Variants in PLEKHA6 observed in about 807,000 individuals in gnomAD.
The protein encoded by PLEKHA6 is pleckstrin homology domain containing A6.
Under a neutral mutation model 116.7 loss-of-function variants are expected in PLEKHA6, and 60 were observed. That is an observed-to-expected ratio of 0.51 (90% CI 0.42 to 0.64). The LOEUF (loss-of-function observed/expected upper bound fraction) is 0.64, where lower values mean the gene tolerates loss of function less well. Among genes scored for constraint, PLEKHA6 ranks in the 30% least tolerant of loss-of-function variants. The pLI, the probability that PLEKHA6 is intolerant of heterozygous loss-of-function variation, is 0.00. For missense variants in PLEKHA6, 1,338 were observed against 1,422.7 expected, an observed-to-expected ratio of 0.94 and a Z score of 0.96; for synonymous variants, 489 against 556.1, an observed-to-expected ratio of 0.88 and a Z score of 1.70.
chr1:204,283,841 G>A (rs926922937), intron 1 of PLEKHA6, among the ~76,000 whole-genome samples: 2 of 152,236 alleles, frequency 1.3e-5, no homozygotes, highest in Non-Finnish European at 2.9e-5. Context: ...CTGCCTGGAT[G>A]TAGGGGCATG....
chr1:204,330,766 G>A (rs1004048978), intron 1 of PLEKHA6, among the ~76,000 whole-genome samples: 10 of 152,138 alleles, frequency 6.6e-5, no homozygotes, highest in Non-Finnish European at 1.0e-4. Flanking sequence ...CCATGAGGTT[G>A]TGGAGGAGCT....
chr1:204,253,833 CAAAA>C (rs5780222), intron 9 of PLEKHA6, among the ~76,000 whole-genome samples: 59,320 of 131,904 alleles, frequency 0.45, 12,473 homozygotes, highest in East Asian at 0.53. Context: ...GATCTTGTCT[CAAAA>C]AAAAAAAAAA....
intron 1 of PLEKHA6, among the ~76,000 whole-genome samples, chr1:204,320,873 C>G (rs987733493): frequency 1.3e-5 from 2 of 152,200 alleles, no homozygotes; most frequent in African/African-American, 4.8e-5. Context: ...TTCTGCAAAG[C>G]CTGCCTGATC....
At position 204,228,948 on chromosome 1, in the gene PLEKHA6, T is replaced by A; in HGVS notation, c.2740A>T (p.Ile914Phe). 1 of 1,614,122 alleles carries A rather than the reference T, an allele frequency of 6.2e-7. No homozygotes were observed. The highest frequency in any genetic ancestry group is 8.5e-7 in the Non-Finnish European group (1 of 1,180,004). ...CTGGCTCCACTCACCTCCTTATTGA[T>A]GTCCACGTCATAATGCTGGGGCTCT... is the stretch of plus-strand genomic sequence containing the variant. Reference protein sequence around the residue: ...ELEPQHYDVDINKELSTPDKV... With the variant: ...ELEPQHYDVDFNKELSTPDKV... The change falls in exon 19 of 23, where the codon ATC (isoleucine) becomes TTC (phenylalanine). Residue 914 changes from isoleucine (I) to phenylalanine (F), a missense_variant. By Grantham distance (21) the Ile-to-Phe change is conservative. Transcript: ENST00000272203. This position sits in a 1 kb window ranked among gnomAD's most constrained non-coding sequence, Gnocchi z 4.0.
At position 204,241,762 on chromosome 1, in the gene PLEKHA6, A is replaced by G; in HGVS notation, c.2225T>C (p.Leu742Pro). The G allele has an allele frequency of 6.2e-7, 1 of 1,614,078 alleles. No homozygotes were observed. The highest frequency in any genetic ancestry group is 8.5e-7 in the Non-Finnish European group (1 of 1,179,958). ...AAGGCTGATGTCTCTGGGGGTGTCCAGGGGCAATGTCTGGTGGGGGTCTTT... is the reference window on the plus strand; with the variant it reads ...AAGGCTGATGTCTCTGGGGGTGTCCGGGGGCAATGTCTGGTGGGGGTCTTT... ...SKKDPHQTLP[L>P]DTPRDISLVP... The change falls in exon 16 of 23, where the codon CTG becomes CCG. Residue 742 changes from leucine to proline, a missense_variant. Transcript: ENST00000272203.
intron 17 of PLEKHA6, among the ~76,000 whole-genome samples, chr1:204,239,255 G>A (rs1291467317): frequency 2.0e-5 from 3 of 152,178 alleles, no homozygotes; most frequent in Non-Finnish European, 4.4e-5. Flanking sequence ...CATGGACTCA[G>A]CAACATGGAC....
intron 1 of PLEKHA6, among the ~76,000 whole-genome samples, chr1:204,332,077 G>T (rs557582590): frequency 6.6e-6 from 1 of 152,126 alleles, no homozygotes; most frequent in Non-Finnish European, 1.5e-5. Flanking sequence ...CCTGAGGGGC[G>T]GAGTGCTGGG....
intron 17 of PLEKHA6, 133 bp downstream of exon 17, chr1:204,241,242 C>T (rs1400382709): frequency 1.3e-5 from 8 of 621,458 alleles, no homozygotes; most frequent in Non-Finnish European, 2.0e-5. Context: ...GCTCTTGCCC[C>T]TCCTCTCACG....
chr1:204,259,433 T>C lies in PLEKHA6; in HGVS notation c.832A>G (p.Ser278Gly), dbSNP rs556814544. 2 of 1,614,240 alleles carry C rather than the reference T, an allele frequency of 1.2e-6. No individual in the cohort carries two copies. Among genetic ancestry groups the C allele is most frequent in the South Asian group, 2.2e-5 (2 of 91,084 alleles). ...QPNGWQYHSPSRPGSTAFPSQ... is the reference protein window; with the variant it reads ...QPNGWQYHSPGRPGSTAFPSQ... ...GGGAAAGCTGTGCTCCCTGGCCGGC[T>C]TGGGGAGTGGTACTGCCAGCCATTG... Residue 278 changes from serine (S) to glycine (G), a missense_variant, in exon 8 of 23, where the codon AGC becomes GGC. Ser to Gly is a moderately conservative substitution (Grantham distance 56). Coordinates refer to ENST00000272203, the MANE Select transcript of PLEKHA6 (RefSeq NM_014935.5). The surrounding 1 kb of genome is among the most constrained non-coding windows in gnomAD (Gnocchi z 4.6).
chr1:204,369,371 A>T (rs1673729927), intron 2 of PLEKHA6: 1 of 151,490 alleles, frequency 6.6e-6, no homozygotes. Flanking sequence ...CAAAGCCCAC[A>T]CTCTTTCCTC....
At chr1:204,282,268 T>A (rs1253894829) in intron 1 of PLEKHA6, among the ~76,000 whole-genome samples, 1 of 152,172 alleles carries the variant, frequency 6.6e-6, no homozygotes, top group South Asian at 2.1e-4. Flanking sequence ...AAAACATGGA[T>A]ACTATACAGG....
At chr1:204,306,510 G>T (rs1478788715) in intron 1 of PLEKHA6, among the ~76,000 whole-genome samples, 1 of 152,180 alleles carries the variant, frequency 6.6e-6, no homozygotes, top group Non-Finnish European at 1.5e-5. Context: ...CAATTCTGAG[G>T]CACTGAGAAG....
At chr1:204,281,520 G>A (rs556011693) in intron 1 of PLEKHA6, among the ~76,000 whole-genome samples, 14 of 143,962 alleles carry the variant, frequency 9.7e-5, no homozygotes, top group African/African-American at 1.6e-4. Context: ...CAGAGATTCC[G>A]TCTCAAAAAA....
chr1:204,280,937 T>A, intron 1 of PLEKHA6: 1 of 855,164 alleles, frequency 1.2e-6, no homozygotes, highest in Non-Finnish European at 1.4e-6. Flanking sequence ...TCTGTTTTCC[T>A]ACCTATTGCT....
chr1:204,250,740 T>C, intron 9 of PLEKHA6, 126 bp from the exon 10 acceptor site: 1 of 739,682 alleles, frequency 1.4e-6, no homozygotes, highest in Non-Finnish European at 2.4e-6. Flanking sequence ...TGGTAGCTTC[T>C]GTTCCAGGGA....
At chr1:204,285,550 A>G (rs1038236726) in intron 1 of PLEKHA6, among the ~76,000 whole-genome samples, 26 of 151,474 alleles carry the variant, frequency 1.7e-4, no homozygotes, top group African/African-American at 4.9e-4. Flanking sequence ...ATTTTGGCTC[A>G]CCGCAGGCTC....
chr1:204,286,666 T>C (rs1221541986), intron 1 of PLEKHA6, among the ~76,000 whole-genome samples: 1 of 152,166 alleles, frequency 6.6e-6, no homozygotes, highest in Non-Finnish European at 1.5e-5. Flanking sequence ...AAACCAAGCA[T>C]GTGGGGCAAC....
At chr1:204,268,025 T>C (rs2102853768) in intron 4 of PLEKHA6, among the ~76,000 whole-genome samples, 183 bp downstream of exon 4, 1 of 152,292 alleles carries the variant, frequency 6.6e-6, no homozygotes. Flanking sequence ...ACACAAATTT[T>C]TCTGTGTGAT....
intron 1 of PLEKHA6, among the ~76,000 whole-genome samples, chr1:204,300,401 A>G (rs185906980): frequency 2.4e-4 from 37 of 152,310 alleles, no homozygotes; most frequent in African/African-American, 8.7e-4. Flanking sequence ...TCCACTGCAG[A>G]TAATGCATCT....
Sources: allele counts gnomAD v4.1 joint callset (sites outside exome capture counted in the v4.1 genomes callset), GRCh38; gene constraint gnomAD v4.1.1; non-coding constraint Gnocchi (gnomAD v3.1); transcripts MANE v1.5; gene names NCBI Gene and HGNC (gene_info 2026-07-23, HGNC 2026-07-21).